RTN4R: variants seen among roughly 807,000 people sequenced by gnomAD.
RTN4R encodes reticulon 4 receptor.
Under a neutral mutation model 27.7 loss-of-function variants are expected in RTN4R, and 4 were observed. The ratio of observed to expected loss-of-function variants is 0.14; its 90% CI spans 0.07 to 0.33. The LOEUF (loss-of-function observed/expected upper bound fraction) is 0.33, where lower values mean the gene tolerates loss of function less well. Ranked by LOEUF, RTN4R falls within the 10% of genes least tolerant of loss-of-function variation. RTN4R has a pLI of 1.00. For missense variants in RTN4R, 554 were observed against 671.5 expected, an observed-to-expected ratio of 0.83 and a Z score of 1.93; for synonymous variants, 290 against 305.6, an observed-to-expected ratio of 0.95 and a Z score of 0.53.
intron 1 of RTN4R, among the ~76,000 whole-genome samples, chr22:20,250,639 G>A (rs1361713470): frequency 3.3e-5 from 5 of 152,136 alleles, no homozygotes; most frequent in South Asian, 2.1e-4. Flanking sequence ...AGCATCTCAC[G>A]GAGGCCTAGG....
rs2051106713 is a variant in RTN4R, at chr22:20,241,694, C to G, written c.*17G>C. 1 of 1,548,924 alleles carries G rather than the reference C, an allele frequency of 6.5e-7. No individual in the cohort carries two copies. Among genetic ancestry groups the G allele is most frequent in the African/African-American group, 1.4e-5 (1 of 72,994 alleles). ...CACACACCTGGCTGCTGAGCACGCT[C>G]TTGTGTCCGCTGGGGGTCAGCAGGG... On this transcript the variant is annotated 3_prime_UTR_variant, in exon 2 of 2. Coordinates refer to ENST00000043402, the MANE Select transcript of RTN4R (RefSeq NM_023004.6).
At chr22:20,267,712 C>A (rs781757639) in intron 1 of RTN4R, 18 of 446,604 alleles carry the variant, frequency 4.0e-5, no homozygotes, top group South Asian at 2.6e-4. Flanking sequence ...AAAACCCGCT[C>A]GTTAACCCCT....
intron 1 of RTN4R, among the ~76,000 whole-genome samples, chr22:20,246,719 A>T (rs1203855193): frequency 6.6e-6 from 1 of 152,174 alleles, no homozygotes; most frequent in African/African-American, 2.4e-5. Flanking sequence ...TTCCACAGGG[A>T]TGCCTTTGCC....
intron 1 of RTN4R, among the ~76,000 whole-genome samples, chr22:20,265,727 TGAGGG>T (rs2145987378): frequency 6.6e-6 from 1 of 152,004 alleles, no homozygotes; most frequent in South Asian, 2.1e-4. Flanking sequence ...ATGGATGGGG[TGAGGG>T]GCCAGCTGGC....
intron 1 of RTN4R, among the ~76,000 whole-genome samples, chr22:20,257,882 T>G (rs950182618): frequency 3.9e-5 from 6 of 152,124 alleles, no homozygotes; most frequent in African/African-American, 1.4e-4. Context: ...TGATCGGCCC[T>G]GCAGGGCAGT....
chr22:20,243,243 C>G (rs1012595446), intron 1 of RTN4R, 133 bp from the exon 2 acceptor site: 8 of 820,018 alleles, frequency 9.8e-6, no homozygotes, highest in Admixed American at 2.2e-5. Flanking sequence ...ATGTGGCCAC[C>G]ACCCCCGGGA....
chr22:20,262,188 C>T (rs2051251678), intron 1 of RTN4R, among the ~76,000 whole-genome samples: 2 of 152,180 alleles, frequency 1.3e-5, no homozygotes, highest in Admixed American at 1.3e-4. Context: ...AGACTCTGGG[C>T]TTGGACGTTG....
At chr22:20,266,705 G>A (rs1247095865) in intron 1 of RTN4R, among the ~76,000 whole-genome samples, 1 of 152,208 alleles carries the variant, frequency 6.6e-6, no homozygotes, top group Non-Finnish European at 1.5e-5. Flanking sequence ...CCTGGGCTTT[G>A]CGGTATTCAA....
intron 1 of RTN4R, among the ~76,000 whole-genome samples, chr22:20,260,505 G>A (rs915214027): frequency 6.6e-6 from 1 of 152,158 alleles, no homozygotes; most frequent in Non-Finnish European, 1.5e-5. Flanking sequence ...GAGCACCAGC[G>A]CAGCACATCC....
Position 20,242,573 on chromosome 22 carries a change from C to T in RTN4R, c.560G>A (p.Gly187Asp). The change falls in exon 2 of 2, where the codon GGC (glycine) becomes GAC (aspartate). Residue 187 changes from glycine to aspartate, a missense_variant. Gly to Asp is a moderately conservative substitution (Grantham distance 94). Around this residue, in one of 2 missense-constraint regions of RTN4R, gnomAD observed 413 missense variants for 542.3 expected, o/e 0.76. Transcript: ENST00000043402. The part of the protein sequence containing the change: ...LGNLTHLFLH[G>D]NRISSVPERA... Reference sequence around the variant, plus strand: ...CTCGGGCACGCTGGAGATGCGGTTGCCGTGCAGGAAGAGGTGTGTGAGGTT... The same window carrying T: ...CTCGGGCACGCTGGAGATGCGGTTGTCGTGCAGGAAGAGGTGTGTGAGGTT... The T allele has an allele frequency of 6.2e-7, 1 of 1,613,426 alleles. No individual in the cohort carries two copies.
intron 1 of RTN4R, among the ~76,000 whole-genome samples, chr22:20,264,300 C>T (rs1357151881): frequency 6.6e-6 from 1 of 152,214 alleles, no homozygotes; most frequent in Admixed American, 6.5e-5. Context: ...AGAATAGTTC[C>T]CGATGTGCAA....
intron 1 of RTN4R, among the ~76,000 whole-genome samples, chr22:20,257,834 C>T (rs1481443665): frequency 6.6e-6 from 1 of 152,178 alleles, no homozygotes; most frequent in Admixed American, 6.5e-5. Context: ...CAGGAGCCCC[C>T]TCCATGAGCC....
rs150607319 is a variant in RTN4R at position 20,248,149 on chromosome 22, C to A, written c.23-5039G>T. The stretch of plus-strand genomic sequence containing the variant: ...GAACTGGTGTGGGTATAATCAATAG[C>A]AAACACAATCCAAGGTCAAATCCAA... On this transcript the variant is annotated intron_variant, in intron 1 of 1. Coordinates refer to ENST00000043402, the MANE Select transcript of RTN4R (RefSeq NM_023004.6). 3.3e-3 allele frequency among the ~76,000 whole-genome samples: 508 copies of A among 152,296 alleles called. 7 individuals are homozygous for A. In the East Asian group the frequency reaches 0.062, roughly 18 times the overall value.
At chr22:20,253,430 C>A (rs1483571974) in intron 1 of RTN4R, among the ~76,000 whole-genome samples, 5 of 152,190 alleles carry the variant, frequency 3.3e-5, no homozygotes, top group Non-Finnish European at 7.3e-5. Context: ...CTTCCAGAGA[C>A]CCACCGAAAT....
chr22:20,243,230 A>T, intron 1 of RTN4R, 120 bp from the exon 2 acceptor site: 4 of 965,054 alleles, frequency 4.1e-6, no homozygotes, highest in Non-Finnish European at 6.2e-6. Context: ...GGCTGGGTCC[A>T]AGATGTGGCC....
At chr22:20,266,341 A>C (rs2145987754) in intron 1 of RTN4R, among the ~76,000 whole-genome samples, 1 of 152,336 alleles carries the variant, frequency 6.6e-6, no homozygotes, top group Admixed American at 6.5e-5. Flanking sequence ...GGCCCTTGCC[A>C]CAGTGCTAGT....
intron 1 of RTN4R, among the ~76,000 whole-genome samples, chr22:20,248,136 G>A (rs1409295152): frequency 6.6e-6 from 1 of 152,170 alleles, no homozygotes; most frequent in Non-Finnish European, 1.5e-5. Flanking sequence ...ACTGGTGTGG[G>A]TATAATCAAT....
intron 1 of RTN4R, chr22:20,267,527 C>A: frequency 2.2e-6 from 1 of 448,088 alleles, no homozygotes; most frequent in South Asian, 1.6e-5. Context: ...CACCGCCCGC[C>A]CTGGAGGCAG....
At chr22:20,256,865 G>A (rs751571301) in intron 1 of RTN4R, among the ~76,000 whole-genome samples, 10 of 152,224 alleles carry the variant, frequency 6.6e-5, no homozygotes, top group Non-Finnish European at 1.5e-4. Flanking sequence ...GTCTGGGTGA[G>A]GCACTTCTGT....
Sources: gnomAD v4.1 joint callset for allele counts (sites outside exome capture counted in the v4.1 genomes callset) on GRCh38, gnomAD v4.1.1 for gene constraint, gnomAD v4.1.1 regional missense constraint, MANE v1.5 for transcripts, NCBI Gene and HGNC (gene_info 2026-07-23, HGNC 2026-07-21) for gene names.